HDAC4: variants seen among roughly 807,000 people sequenced by gnomAD.
HDAC4 encodes histone deacetylase A.
HDAC4 carries 16 observed loss-of-function variants against 135.1 expected under a neutral mutation model. The ratio of observed to expected loss-of-function variants is 0.12; its 90% confidence interval spans 0.08 to 0.18. The LOEUF (loss-of-function observed/expected upper bound fraction) is 0.18, where lower values mean the gene tolerates loss of function less well. Ranked by LOEUF, HDAC4 falls within the 10% of genes least tolerant of loss-of-function variation. The probability of loss-of-function intolerance (pLI) is 1.00; values close to 1 mark genes in which losing one functional copy is unlikely to be tolerated. For synonymous variants in HDAC4, 685 were observed against 653.4 expected (o/e 1.05, Z -0.74); for missense variants, 1,143 against 1,511.8 (o/e 0.76, Z 4.05).
chr2:239,146,906 G>A lies in HDAC4; in HGVS notation c.734-2192C>T, dbSNP rs1232245361. On this transcript the variant is annotated intron_variant, in intron 7 of 26. Coordinates refer to ENST00000543185, the MANE Select transcript of HDAC4 (RefSeq NM_001378414.1). This position sits in a 1 kb window ranked among gnomAD's most constrained non-coding sequence, Gnocchi z 4.5. ...CCTCCCAGCCTGCACACCTGCCTGG[G>A]CTCCCTGATTCTAGCCGACTGCACG... is the stretch of plus-strand genomic sequence containing the variant. Among the ~76,000 whole-genome samples, 1 of 152,156 alleles carries A rather than the reference G, an allele frequency of 6.6e-6. No homozygotes were observed. The highest frequency in any genetic ancestry group is 1.5e-5 in the Non-Finnish European group (1 of 68,044).
At chr2:239,219,721 T>C (rs1210381946) in intron 3 of HDAC4, among the ~76,000 whole-genome samples, 3 of 152,124 alleles carry the variant, frequency 2.0e-5, no homozygotes, top group Non-Finnish European at 2.9e-5. Context: ...TAGAAACAAA[T>C]TGAAATGTGC....
At chr2:239,170,841 A>C (rs1338811549) in intron 5 of HDAC4, among the ~76,000 whole-genome samples, 7 of 152,162 alleles carry the variant, frequency 4.6e-5, no homozygotes. Context: ...GAGGCCCTTG[A>C]TAGGGCCACA....
At chr2:239,346,579 AC>A (rs1692693937) in intron 2 of HDAC4, among the ~76,000 whole-genome samples, 1 of 146,618 alleles carries the variant, frequency 6.8e-6, no homozygotes, top group Non-Finnish European at 1.5e-5. Flanking sequence ...ACACACACAG[AC>A]CATAACACAC....
chr2:239,327,360 C>G (rs6741059), intron 2 of HDAC4, among the ~76,000 whole-genome samples: 20,942 of 152,206 alleles, frequency 0.14, 2,122 homozygotes, highest in East Asian at 0.42. Flanking sequence ...CACCCCCATG[C>G]AGCTCAGAAA....
chr2:239,310,480 C>T (rs1393146003), intron 2 of HDAC4, among the ~76,000 whole-genome samples: 1 of 152,196 alleles, frequency 6.6e-6, no homozygotes, highest in Non-Finnish European at 1.5e-5. Flanking sequence ...TGTGATGTTC[C>T]CGGGGGGATG....
At chr2:239,086,404 T>G (rs538777954) in intron 19 of HDAC4, among the ~76,000 whole-genome samples, 2 of 147,320 alleles carry the variant, frequency 1.4e-5, no homozygotes, top group Admixed American at 6.7e-5. Context: ...TGACTATCTC[T>G]CACGTACAGT....
intron 1 of HDAC4, among the ~76,000 whole-genome samples, chr2:239,368,614 C>T (rs1694389095): frequency 6.6e-6 from 1 of 152,144 alleles, no homozygotes; most frequent in South Asian, 2.1e-4. Context: ...GGGGCACAGG[C>T]TGTTTCCTCC....
chr2:239,270,663 T>C (rs961025294), intron 2 of HDAC4, among the ~76,000 whole-genome samples: 4 of 152,256 alleles, frequency 2.6e-5, no homozygotes, highest in Non-Finnish European at 5.9e-5. Flanking sequence ...TCAGCATTTG[T>C]ATAATTTCTT....
intron 16 of HDAC4, among the ~76,000 whole-genome samples, chr2:239,100,726 T>C (rs186033967): frequency 3.3e-4 from 50 of 152,232 alleles, no homozygotes; most frequent in Admixed American, 1.6e-3. Context: ...GTCAGCTTCT[T>C]TGGGGCTGGT....
chr2:239,221,000 A>AAG (rs2046919280), intron 3 of HDAC4, among the ~76,000 whole-genome samples: 1 of 152,008 alleles, frequency 6.6e-6, no homozygotes, highest in African/African-American at 2.4e-5. Flanking sequence ...CCTCACCACG[A>AAG]AGACCTCCCT....
Position 239,082,095 on chromosome 2 carries a change from C to A in HDAC4, c.2652+7G>T. The A allele has an allele frequency of 6.2e-7, 1 of 1,614,078 alleles. No individual in the cohort carries two copies. The highest frequency in any genetic ancestry group is 8.5e-7 in the Non-Finnish European group (1 of 1,180,006). On this transcript the variant is annotated splice_region_variant and intron_variant, in intron 21 of 26. Coordinates refer to ENST00000543185, the MANE Select transcript of HDAC4 (RefSeq NM_001378414.1). ...TCCCCCCAGAGGCCCTTATATACCC[C>A]ACCTACCTCATCAGGAGCCCCGCTG... is the stretch of plus-strand genomic sequence containing the variant.
At chr2:239,190,629 G>T (rs1354748888) in intron 3 of HDAC4, among the ~76,000 whole-genome samples, 1 of 152,190 alleles carries the variant, frequency 6.6e-6, no homozygotes, top group African/African-American at 2.4e-5. Context: ...CGTTTCCATG[G>T]TGAGACAAGC....
At chr2:239,184,228 G>C (rs552923778) in intron 4 of HDAC4, among the ~76,000 whole-genome samples, 23 of 152,214 alleles carry the variant, frequency 1.5e-4, no homozygotes, top group Non-Finnish European at 2.9e-4. Flanking sequence ...GCAGGAGGGC[G>C]ATGTGCAACC....
chr2:239,399,289 T>C (rs1696779274), intron 1 of HDAC4, among the ~76,000 whole-genome samples: 1 of 152,230 alleles, frequency 6.6e-6, no homozygotes, highest in Non-Finnish European at 1.5e-5. Context: ...ATAGAGTAAT[T>C]GTGTTGCCAT....
At chr2:239,210,056 G>A (rs2046278343) in intron 3 of HDAC4, among the ~76,000 whole-genome samples, 1 of 152,132 alleles carries the variant, frequency 6.6e-6, no homozygotes, top group South Asian at 2.1e-4. Flanking sequence ...ATAGACAGCC[G>A]AATCTCGCTT....
chr2:239,103,892 C>T lies in HDAC4; in HGVS notation c.2113-996G>A, dbSNP rs538039885. ...CCATGCAGGGTGGAGGAAGAAGGGG[C>T]GGAGCCAAGAACTCAGTCCCCGCCC... On this transcript the variant is annotated intron_variant, in intron 15 of 26. Coordinates refer to ENST00000543185, the MANE Select transcript of HDAC4 (RefSeq NM_001378414.1). Among the ~76,000 whole-genome samples the T allele has an allele frequency of 4.6e-5, 7 of 152,374 alleles. 1 individual carries two copies. The East Asian group carries it at 5.8e-4, about 13-fold the overall frequency.
At chr2:239,227,065 C>CA (rs2047285469) in intron 3 of HDAC4, among the ~76,000 whole-genome samples, 1 of 152,210 alleles carries the variant, frequency 6.6e-6, no homozygotes, top group Admixed American at 6.5e-5. Context: ...AATAAGGTAT[C>CA]AGAGACAGCA....
chr2:239,241,294 C>T (rs2048162878), intron 2 of HDAC4, among the ~76,000 whole-genome samples: 1 of 152,196 alleles, frequency 6.6e-6, no homozygotes, highest in Non-Finnish European at 1.5e-5. Context: ...GTGTGGTTTC[C>T]ACCCTTGGGA....
chr2:239,068,766 C>T lies in HDAC4; in HGVS notation c.2751-159G>A. 1.4e-6 allele frequency: 1 copy of T among 715,274 alleles called. No individual in the cohort carries two copies. Among genetic ancestry groups the T allele is most frequent in the East Asian group, 2.6e-5 (1 of 37,936 alleles). 44.3% of individuals were successfully genotyped at this position (715,274 alleles called of 1,614,324 possible). A position where few individuals can be genotyped will look rare whatever the true frequency, so the allele number is the denominator to read the frequency against. On this transcript the variant is annotated intron_variant, in intron 22 of 26. Transcript: ENST00000543185. This position sits in a 1 kb window ranked among gnomAD's most constrained non-coding sequence, Gnocchi z 4.4. ...ACACAGCAGGCTGGAATCTGGCGAC[C>T]ACGCTTAATTAGAAGGGAATCAACC...
Sources: allele counts gnomAD v4.1 joint callset (sites outside exome capture counted in the v4.1 genomes callset), GRCh38; gene constraint gnomAD v4.1.1; non-coding constraint Gnocchi (gnomAD v3.1); transcripts MANE v1.5; gene names NCBI Gene and HGNC (gene_info 2026-07-23, HGNC 2026-07-21).